Variants in ANGPT1 observed in about 807,000 individuals in gnomAD.
ANGPT1 encodes angiopoietin 1, also known as angiopoietin-1.
A neutral mutation model predicts 62.2 loss-of-function variants in ANGPT1; 17 were observed. The observed-to-expected ratio is 0.27, with a 90% confidence interval of 0.19 to 0.41. ANGPT1 has a LOEUF of 0.41. Ranked by LOEUF, ANGPT1 falls within the 10% of genes least tolerant of loss-of-function variation. The pLI is 1.00. For synonymous variants in ANGPT1, 199 were observed against 198.9 expected (o/e 1.00, Z 0.00); for missense variants, 478 against 594.9 (o/e 0.80, Z 2.04).
chr8:107,432,646 AG>A (rs1811222322), intron 1 of ANGPT1, among the ~76,000 whole-genome samples: 1 of 150,888 alleles, frequency 6.6e-6, no homozygotes, highest in East Asian at 2.0e-4. Context: ...CCTGGGCAAC[AG>A]AGCGAGACTC....
intron 1 of ANGPT1, among the ~76,000 whole-genome samples, chr8:107,417,782 G>A (rs542382972): frequency 2.0e-5 from 3 of 152,244 alleles, no homozygotes; most frequent in Admixed American, 6.5e-5. Flanking sequence ...AATCTTCTGT[G>A]GCTGTGAATT....
At chr8:107,286,012 G>C (rs796333397) in intron 6 of ANGPT1, among the ~76,000 whole-genome samples, 15 of 152,220 alleles carry the variant, frequency 9.9e-5, no homozygotes, top group African/African-American at 3.6e-4. Context: ...AGAAATGGAG[G>C]TAAGGAGGAA....
intron 7 of ANGPT1, among the ~76,000 whole-genome samples, chr8:107,267,511 A>C (rs1472649032): frequency 1.3e-5 from 2 of 152,100 alleles, no homozygotes; most frequent in Non-Finnish European, 2.9e-5. Context: ...GATCTATTTA[A>C]GACTTGGAGG....
chr8:107,260,215 A>T (rs1199324870), intron 8 of ANGPT1, among the ~76,000 whole-genome samples: 1 of 152,154 alleles, frequency 6.6e-6, no homozygotes. Flanking sequence ...TTTACCGATA[A>T]GGGTAATGAT....
intron 6 of ANGPT1, among the ~76,000 whole-genome samples, chr8:107,285,653 G>C (rs12545727): frequency 0.48 from 72,517 of 151,798 alleles, 19,614 homozygotes; most frequent in African/African-American, 0.74. Flanking sequence ...TTCTTTGTAG[G>C]GAGAAAAAAG....
At chr8:107,254,521 A>C (rs1813314927) in intron 8 of ANGPT1, among the ~76,000 whole-genome samples, 1 of 152,060 alleles carries the variant, frequency 6.6e-6, no homozygotes, top group South Asian at 2.1e-4. Flanking sequence ...CATGAAGAAA[A>C]TACGTAGGAG....
chr8:107,430,862 C>T (rs1426314548), intron 1 of ANGPT1, among the ~76,000 whole-genome samples: 2 of 152,212 alleles, frequency 1.3e-5, no homozygotes, highest in African/African-American at 4.8e-5. Context: ...AACAGCAATA[C>T]AGTCTGTTAT....
chr8:107,274,195 G>A (rs1813805727), intron 7 of ANGPT1, among the ~76,000 whole-genome samples: 1 of 152,068 alleles, frequency 6.6e-6, no homozygotes, highest in South Asian at 2.1e-4. Flanking sequence ...CTCTTTAGGT[G>A]CGACTCAGAA....
chr8:107,344,418 G>T (rs1413949115), intron 2 of ANGPT1, among the ~76,000 whole-genome samples: 4 of 152,158 alleles, frequency 2.6e-5, no homozygotes, highest in African/African-American at 9.7e-5. Context: ...AAGGGGGAAG[G>T]AAAAGGCATG....
At chr8:107,445,282 A>G (rs1233306723) in intron 1 of ANGPT1, among the ~76,000 whole-genome samples, 1 of 152,108 alleles carries the variant, frequency 6.6e-6, no homozygotes, top group Non-Finnish European at 1.5e-5. Flanking sequence ...GGATATTTTA[A>G]ATTTAAATTT....
intron 1 of ANGPT1, among the ~76,000 whole-genome samples, chr8:107,394,713 T>C (rs1816901620): frequency 6.6e-6 from 1 of 152,206 alleles, no homozygotes; most frequent in Non-Finnish European, 1.5e-5. Context: ...CTATGTGATT[T>C]TTATTGCCCA....
rs185570004 is a variant in ANGPT1 at position 107,411,627 on chromosome 8, G to A, written c.298-64530C>T. Among the ~76,000 whole-genome samples the A allele has an allele frequency of 2.3e-3, 348 of 152,226 alleles. 1 individual carries two copies. Among genetic ancestry groups the A allele is most frequent in the Non-Finnish European group, 4.0e-3 (271 of 68,012 alleles). On this transcript the variant is annotated intron_variant, in intron 1 of 8. Coordinates refer to ENST00000517746, the MANE Select transcript of ANGPT1 (RefSeq NM_001146.5). Reference sequence around the variant, plus strand: ...TGAAAACCAAAGTAAAATGAAATCAGTAACTGGATTCCTATTATTTAATAA... The same window carrying A: ...TGAAAACCAAAGTAAAATGAAATCAATAACTGGATTCCTATTATTTAATAA...
chr8:107,347,813 T>C (rs1054961207), intron 1 of ANGPT1, among the ~76,000 whole-genome samples: 2 of 152,198 alleles, frequency 1.3e-5, no homozygotes, highest in Non-Finnish European at 2.9e-5. Context: ...TAGCAGTATT[T>C]ACTCCTCTTG....
At chr8:107,314,430 AT>A (rs1400802205) in intron 4 of ANGPT1, among the ~76,000 whole-genome samples, 3 of 152,102 alleles carry the variant, frequency 2.0e-5, no homozygotes, top group African/African-American at 7.2e-5. Flanking sequence ...GGACTATGTT[AT>A]TTTTTATTTT....
chr8:107,387,087 A>G (rs1161596605), intron 1 of ANGPT1, among the ~76,000 whole-genome samples: 2 of 152,150 alleles, frequency 1.3e-5, no homozygotes, highest in African/African-American at 4.8e-5. Context: ...CATAACTGAA[A>G]TGTGTGCACA....
At chr8:107,385,724 T>G (rs567629282) in intron 1 of ANGPT1, among the ~76,000 whole-genome samples, 3 of 152,126 alleles carry the variant, frequency 2.0e-5, no homozygotes, top group Non-Finnish European at 4.4e-5. Context: ...TCATGGGGAA[T>G]GCTTCCAGCT....
chr8:107,484,724 T>A (rs1474958495), intron 1 of ANGPT1, among the ~76,000 whole-genome samples: 1 of 152,196 alleles, frequency 6.6e-6, no homozygotes, highest in African/African-American at 2.4e-5. Flanking sequence ...TTTTCACACT[T>A]GCTATGTGGC....
At chr8:107,343,322 C>G (rs1257599433) in intron 2 of ANGPT1, among the ~76,000 whole-genome samples, 1 of 152,112 alleles carries the variant, frequency 6.6e-6, no homozygotes, top group East Asian at 1.9e-4. Context: ...GGTCTAATTA[C>G]AGGAAAGAGG....
At chr8:107,411,565 T>C (rs576355490) in intron 1 of ANGPT1, among the ~76,000 whole-genome samples, 2 of 152,308 alleles carry the variant, frequency 1.3e-5, no homozygotes, top group Admixed American at 1.3e-4. Flanking sequence ...AAAATTATAG[T>C]TATTCAGATT....
Sources: gnomAD v4.1 joint callset for allele counts (sites outside exome capture counted in the v4.1 genomes callset) on GRCh38, gnomAD v4.1.1 for gene constraint, MANE v1.5 for transcripts, NCBI Gene and HGNC (gene_info 2026-07-23, HGNC 2026-07-21) for gene names.